COG5: variants seen among roughly 807,000 people sequenced by gnomAD.
COG5 encodes component of oligomeric golgi complex 5, also known as conserved oligomeric Golgi complex subunit 5.
A neutral mutation model predicts 110.4 loss-of-function variants in COG5; 86 were observed. The observed-to-expected ratio is 0.78, with a 90% confidence interval of 0.65 to 0.93. The LOEUF (loss-of-function observed/expected upper bound fraction) is 0.93. COG5 is among the 40% of genes least tolerant of loss of function. The pLI is 0.00. For synonymous variants in COG5, 360 were observed against 334.6 expected, an observed-to-expected ratio of 1.08 and a Z score of -0.83; for missense variants, 1,077 against 987.0, an observed-to-expected ratio of 1.09 and a Z score of -1.22.
Position 107,211,194 on chromosome 7 carries a change from C to A in COG5, c.2200G>T (p.Ala734Ser), listed in dbSNP as rs779247259. Residue 734 changes from alanine (A) to serine (S), a missense_variant, in exon 20 of 22, where the codon GCC becomes TCC. Transcript: ENST00000297135. ...PLLFQASEHV[A>S]SSPALGDVIP... is the part of the protein sequence containing the mutation. ...ACATCCCCCAATGCAGGACTACTGG[C>A]TACATGTTCACTTGCCTGGAAGAGC... is the stretch of plus-strand genomic sequence containing the variant. 10 of 1,614,070 alleles carry A rather than the reference C, an allele frequency of 6.2e-6. No homozygotes were observed. In the South Asian group the frequency reaches 8.8e-5, roughly 14 times the overall value.
chr7:107,456,095 G>C lies in COG5; in HGVS notation c.539-43463C>G, dbSNP rs112865523. Reference sequence around the variant, plus strand: ...ATTACAGGCATGAGCCACTGTGCCTGGCCCAGAGCAGATATTTTAAACATC... The same window carrying C: ...ATTACAGGCATGAGCCACTGTGCCTCGCCCAGAGCAGATATTTTAAACATC... On this transcript the variant is annotated intron_variant, in intron 6 of 21. Coordinates refer to ENST00000297135, the MANE Select transcript of COG5 (RefSeq NM_006348.5). Among the ~76,000 whole-genome samples, 848 of 152,116 alleles carry C rather than the reference G, an allele frequency of 5.6e-3. 11 individuals carry two copies. The highest frequency in any genetic ancestry group is 0.02 in the African/African-American group (817 of 41,474).
chr7:107,432,374 C>A (rs1231943897), intron 6 of COG5, among the ~76,000 whole-genome samples: 1 of 152,050 alleles, frequency 6.6e-6, no homozygotes, highest in Non-Finnish European at 1.5e-5. Context: ...TAAAATATGC[C>A]AGGCTGCAAA....
At chr7:107,369,632 G>T (rs1041961654) in intron 8 of COG5, among the ~76,000 whole-genome samples, 2 of 151,774 alleles carry the variant, frequency 1.3e-5, no homozygotes, top group Non-Finnish European at 2.9e-5. Context: ...CAAGTGATCT[G>T]CCCACCTCAG....
rs772525300 is a variant in COG5 at position 107,203,565 on chromosome 7, T to C, written c.2441A>G (p.Tyr814Cys). 3 of 1,614,034 alleles carry C rather than the reference T, an allele frequency of 1.9e-6. No homozygotes were observed. The Admixed American group carries it at 5.0e-5, about 27-fold the overall frequency. Residue 814 changes from tyrosine (Y) to cysteine (C), a missense_variant, in exon 22 of 22, where the codon TAT becomes TGT. Transcript: ENST00000297135. ...SREGKEFAPVYPIMVQLLQKA... is the reference protein window; with the variant it reads ...SREGKEFAPVCPIMVQLLQKA... ...TTGAAGCAGCTGAACCATTATGGGA[T>C]AAACTGGTGCAAATTCTTTGCCTTC...
At position 107,474,024 on chromosome 7, in the gene COG5, T is replaced by C; in HGVS notation, c.538+53213A>G. On this transcript the variant is annotated intron_variant, in intron 6 of 21. Transcript: ENST00000297135. The surrounding 1 kb of genome is among the most constrained non-coding windows in gnomAD (Gnocchi z 5.7). ...CAAATATCAAATAGTTTATTCTATT[T>C]CACTTTCTAGGGAAAAAAACCAACT... The C allele has an allele frequency of 9.2e-7, 1 of 1,087,718 alleles. No individual in the cohort carries two copies. 67.4% of individuals were successfully genotyped at this position (1,087,718 alleles called of 1,614,324 possible).
intron 5 of COG5, among the ~76,000 whole-genome samples, chr7:107,544,205 T>G (rs1802254140): frequency 6.6e-6 from 1 of 151,704 alleles, no homozygotes; most frequent in African/African-American, 2.4e-5. Flanking sequence ...ACTCACAGAC[T>G]CCAGGCCCAC....
intron 10 of COG5, among the ~76,000 whole-genome samples, chr7:107,338,601 A>T (rs1216840881): frequency 6.6e-6 from 1 of 152,154 alleles, no homozygotes; most frequent in Non-Finnish European, 1.5e-5. Context: ...TATATATGAT[A>T]CCAAAAGCAA....
chr7:107,320,464 T>C (rs979939353), intron 11 of COG5, among the ~76,000 whole-genome samples: 2 of 152,210 alleles, frequency 1.3e-5, no homozygotes, highest in African/African-American at 4.8e-5. Context: ...GTGTGAATGG[T>C]AGGAAATATA....
At chr7:107,457,588 C>T (rs927240251) in intron 6 of COG5, among the ~76,000 whole-genome samples, 12 of 151,934 alleles carry the variant, frequency 7.9e-5, no homozygotes, top group African/African-American at 2.7e-4. Flanking sequence ...GCCACCATGC[C>T]CGGCTAATTT....
At chr7:107,208,858 T>G in intron 21 of COG5, 1 of 985,516 alleles carries the variant, frequency 1.0e-6, no homozygotes, top group African/African-American at 1.7e-5. Flanking sequence ...TGGTTCTTAC[T>G]GACCTGTCAT....
In COG5 at chr7:107,511,080, C is replaced by A. The variant is rs181122879; in HGVS notation, c.538+16157G>T. Among the ~76,000 whole-genome samples the A allele has an allele frequency of 8.2e-5, 12 of 146,792 alleles. No individual in the cohort carries two copies. The Admixed American group carries it at 8.2e-4, about 10-fold the overall frequency. On this transcript the variant is annotated intron_variant, in intron 6 of 21. Coordinates refer to ENST00000297135, the MANE Select transcript of COG5 (RefSeq NM_006348.5). ...TGAAGGAAATAGAGACACAAAATAC[C>A]GTTCAAAAAATTAATGAATCCAGGA...
chr7:107,257,296 T>C (rs1802963182), intron 15 of COG5, among the ~76,000 whole-genome samples: 1 of 152,060 alleles, frequency 6.6e-6, no homozygotes, highest in South Asian at 2.1e-4. Flanking sequence ...TTTGGAGTAA[T>C]GATTAAAGAA....
chr7:107,278,226 TTTCCCTTCCTTCC>T (rs1477265827), intron 14 of COG5, among the ~76,000 whole-genome samples: 3 of 152,126 alleles, frequency 2.0e-5, no homozygotes, highest in Non-Finnish European at 4.4e-5. Context: ...AATGATCTGA[TTTCCCTTCCTTCC>T]TTCCCTTCCT....
In COG5 at chr7:107,202,436, A is replaced by C. The variant is rs947378063; in HGVS notation, c.*1080T>G. 1 of 152,638 alleles carries C rather than the reference A, an allele frequency of 6.6e-6. No individual in the cohort carries two copies. The highest frequency in any genetic ancestry group is 2.4e-5 in the African/African-American group (1 of 41,446). 9.5% of individuals were successfully genotyped at this position (152,638 alleles called of 1,614,324 possible). On this transcript the variant is annotated 3_prime_UTR_variant, in exon 22 of 22. Transcript: ENST00000297135. ...ACAGCTGTAAAATTGATTTCAGTTCATCACACTTCTTCATGATGTTGCCCC... is the reference window on the plus strand; with the variant it reads ...ACAGCTGTAAAATTGATTTCAGTTCCTCACACTTCTTCATGATGTTGCCCC...
At chr7:107,451,306 G>A (rs1421248547) in intron 6 of COG5, among the ~76,000 whole-genome samples, 1 of 152,144 alleles carries the variant, frequency 6.6e-6, no homozygotes, top group Non-Finnish European at 1.5e-5. Context: ...AGTGCCAGAA[G>A]ATAAGGAAGA....
At chr7:107,266,392 C>G (rs1803805935) in intron 14 of COG5, among the ~76,000 whole-genome samples, 1 of 152,140 alleles carries the variant, frequency 6.6e-6, no homozygotes, top group African/African-American at 2.4e-5. Flanking sequence ...CTTAGGTTAA[C>G]CATTGTAAAT....
chr7:107,424,696 A>C (rs920565505), intron 6 of COG5, among the ~76,000 whole-genome samples: 1 of 152,180 alleles, frequency 6.6e-6, no homozygotes, highest in Non-Finnish European at 1.5e-5. Flanking sequence ...ACGGAAACAG[A>C]TATTAATTCT....
chr7:107,325,682 G>T (rs151075543), intron 10 of COG5, among the ~76,000 whole-genome samples: 1 of 151,880 alleles, frequency 6.6e-6, no homozygotes, highest in African/African-American at 2.4e-5. Context: ...AAAAGTAAGA[G>T]TAAAAATAAA....
At chr7:107,257,783 CAT>C (rs1232559716) in intron 15 of COG5, among the ~76,000 whole-genome samples, 2 of 151,996 alleles carry the variant, frequency 1.3e-5, no homozygotes. Context: ...AAAATGAATA[CAT>C]GTTATCTATG....
Sources: gnomAD v4.1 joint callset for allele counts (sites outside exome capture counted in the v4.1 genomes callset) on GRCh38, gnomAD v4.1.1 for gene constraint, Gnocchi (gnomAD v3.1) non-coding constraint, MANE v1.5 for transcripts, NCBI Gene and HGNC (gene_info 2026-07-23, HGNC 2026-07-21) for gene names.